Variants in ANKRD50 observed in about 807,000 individuals in gnomAD.
ANKRD50 encodes ankyrin repeat domain 50.
A neutral mutation model predicts 112.0 loss-of-function variants in ANKRD50; 40 were observed. That is an observed-to-expected ratio of 0.36 (90% CI 0.28 to 0.46). The LOEUF (loss-of-function observed/expected upper bound fraction) is 0.46, where lower values mean the gene tolerates loss of function less well. ANKRD50 is among the 20% of genes least tolerant of loss of function. The pLI, the probability that ANKRD50 is intolerant of heterozygous loss-of-function variation, is 1.00. For synonymous variants in ANKRD50, 613 were observed against 619.1 expected, an observed-to-expected ratio of 0.99 and a Z score of 0.15; for missense variants, 1,487 against 1,701.7, an observed-to-expected ratio of 0.87 and a Z score of 2.22.
At chr4:124,689,216 A>T (rs1725076468) in intron 2 of ANKRD50, among the ~76,000 whole-genome samples, 1 of 152,198 alleles carries the variant, frequency 6.6e-6, no homozygotes, top group African/African-American at 2.4e-5. Flanking sequence ...AAAGTGGATG[A>T]TTTATAAATA....
At chr4:124,679,911 T>C (rs931842609) in intron 2 of ANKRD50, among the ~76,000 whole-genome samples, 2 of 152,218 alleles carry the variant, frequency 1.3e-5, no homozygotes, top group Admixed American at 6.5e-5. Flanking sequence ...GAGTTTCTAC[T>C]GCAGCCAGGG....
At chr4:124,708,823 T>C (rs1279751456) in intron 2 of ANKRD50, among the ~76,000 whole-genome samples, 3 of 151,906 alleles carry the variant, frequency 2.0e-5, no homozygotes, top group Non-Finnish European at 2.9e-5. Context: ...ATCTATAAAA[T>C]GGGAGTAGTA....
chr4:124,670,606 C>A lies in ANKRD50; in HGVS notation c.2671G>T (p.Gly891Cys). ...AATATTTGAACACAATCATAATGAC[C>A]CTCTTGTGAAGCTAATATGAAAGGG... ...RIPFILASQE[G>C]HYDCVQILLE... The change falls in exon 4 of 5, where the codon GGT (glycine) becomes TGT (cysteine). Residue 891 changes from glycine to cysteine, a missense_variant. Gly to Cys is a radical substitution (Grantham distance 159). This residue lies in a region of ANKRD50 where 1,046 missense variants were observed against 1,269.5 expected (regional missense o/e 0.82). Coordinates refer to ENST00000504087, the MANE Select transcript of ANKRD50 (RefSeq NM_020337.3). 1 of 1,613,440 alleles carries A rather than the reference C, an allele frequency of 6.2e-7. No homozygotes were observed. Among genetic ancestry groups the A allele is most frequent in the Non-Finnish European group, 8.5e-7 (1 of 1,179,778 alleles).
chr4:124,694,080 C>T (rs967068644), intron 2 of ANKRD50, among the ~76,000 whole-genome samples: 1 of 152,074 alleles, frequency 6.6e-6, no homozygotes, highest in Non-Finnish European at 1.5e-5. Context: ...CAAAATTACC[C>T]ATCCAATAAA....
intron 2 of ANKRD50, among the ~76,000 whole-genome samples, chr4:124,699,695 A>C (rs1416604322): frequency 6.6e-6 from 1 of 152,032 alleles, no homozygotes; most frequent in African/African-American, 2.4e-5. Flanking sequence ...ATTTCAAAAG[A>C]TACAAATACA....
At position 124,678,827 on chromosome 4, in the gene ANKRD50, C is replaced by G. The variant is rs1319171457; in HGVS notation, c.591G>C (p.Gly197=). ...LYLLVDSVDE[G]CNITEGEQTS... ...TTTGTTCACCTTCAGTAATGTTACA[C>G]CCTTCATCAACAGAATCAACAAGCA... The change falls in exon 3 of 5, where the codon GGG becomes GGC. Residue 197 remains glycine (G), a synonymous_variant. Transcript: ENST00000504087. The G allele has an allele frequency of 3.1e-6, 5 of 1,613,854 alleles. No homozygotes were observed. Among genetic ancestry groups the G allele is most frequent in the Non-Finnish European group, 4.2e-6 (5 of 1,179,820 alleles).
At chr4:124,676,952 A>G (rs1388667646) in intron 3 of ANKRD50, among the ~76,000 whole-genome samples, 1 of 151,682 alleles carries the variant, frequency 6.6e-6, no homozygotes, top group Non-Finnish European at 1.5e-5. Flanking sequence ...GTACAAATAA[A>G]CATAATAGAG....
intron 2 of ANKRD50, among the ~76,000 whole-genome samples, chr4:124,690,755 C>T (rs1725118226): frequency 6.6e-6 from 1 of 152,170 alleles, no homozygotes; most frequent in Non-Finnish European, 1.5e-5. Context: ...ACTACTAGAA[C>T]ACTCTACTGT....
rs757543017 is a variant in ANKRD50, at chr4:124,710,532, TTGCTA to T, written c.-26_-22del. 5 of 1,594,842 alleles carry T rather than the reference TTGCTA, an allele frequency of 3.1e-6. No individual in the cohort carries two copies. In the African/African-American group the frequency reaches 5.4e-5, roughly 17 times the overall value. ...GTCATAACGGGTTTTTTATCTTCAT[TTGCTA>T]GAGTCTGGATACATCAACACAGGTC... On this transcript the variant is annotated 5_prime_UTR_variant, in exon 2 of 5. The change abolishes the stop of an existing upstream ORF in the 5' untranslated region. Transcript: ENST00000504087.
At chr4:124,673,431 T>C (rs1192279984) in intron 3 of ANKRD50, among the ~76,000 whole-genome samples, 1 of 152,000 alleles carries the variant, frequency 6.6e-6, no homozygotes, top group Non-Finnish European at 1.5e-5. Context: ...CTGGAGCAAG[T>C]CAAGACTAAA....
At chr4:124,699,416 T>G (rs1725337902) in intron 2 of ANKRD50, among the ~76,000 whole-genome samples, 1 of 152,184 alleles carries the variant, frequency 6.6e-6, no homozygotes, top group Admixed American at 6.5e-5. Flanking sequence ...AATTTTTCCC[T>G]TTGAATTCCT....
At chr4:124,712,205 G>C (rs970649618) in intron 1 of ANKRD50, among the ~76,000 whole-genome samples, 1 of 152,000 alleles carries the variant, frequency 6.6e-6, no homozygotes, top group Non-Finnish European at 1.5e-5. Flanking sequence ...TGAAGGGGGA[G>C]GGGGTGACTG....
intron 2 of ANKRD50, among the ~76,000 whole-genome samples, chr4:124,685,105 T>C (rs1237780097): frequency 6.6e-6 from 1 of 152,168 alleles, no homozygotes; most frequent in Non-Finnish European, 1.5e-5. Flanking sequence ...TTAGATTAAC[T>C]TGTTGTGTTA....
rs1301554900 is a variant in ANKRD50, at chr4:124,666,347, G to C, written c.*1171C>G. The C allele has an allele frequency of 6.6e-6, 1 of 152,462 alleles. No individual in the cohort carries two copies. Among genetic ancestry groups the C allele is most frequent in the Admixed American group, 6.6e-5 (1 of 15,242 alleles). The allele number at this position is 152,462 out of a possible 1,614,324, so 9.4% of individuals were successfully genotyped here. On this transcript the variant is annotated 3_prime_UTR_variant, in exon 5 of 5. Coordinates refer to ENST00000504087, the MANE Select transcript of ANKRD50 (RefSeq NM_020337.3). ...CAGGAAAGAGTATGAGGATAGAAAA[G>C]TGCAAATCCATCACTATTAAGTAAC...
rs114706906 is a variant in ANKRD50, at chr4:124,692,549, C to T, written c.513-13644G>A. ...CCCTCCCAAAATTCACTTTAAAATC[C>T]TAACCCCCAATGTGATGGTATAAGA... On this transcript the variant is annotated intron_variant, in intron 2 of 4. Coordinates refer to ENST00000504087, the MANE Select transcript of ANKRD50 (RefSeq NM_020337.3). 6.8e-3 allele frequency among the ~76,000 whole-genome samples: 1,042 copies of T among 152,208 alleles called. 9 individuals are homozygous for T. Among genetic ancestry groups the T allele is most frequent in the Admixed American group, 0.012 (176 of 15,294 alleles).
In ANKRD50 at chr4:124,671,549, A is replaced by G. The variant is rs1191833615; in HGVS notation, c.1728T>C (p.Ala576=). Residue 576 remains alanine, a synonymous_variant, in exon 4 of 5, where the codon GCT becomes GCC. Transcript: ENST00000504087. ...CTAGAGTGAGTGGTGTATGTCCATGAGCATCTTCTATCTCTAAATCTGCTC... is the reference window on the plus strand; with the variant it reads ...CTAGAGTGAGTGGTGTATGTCCATGGGCATCTTCTATCTCTAAATCTGCTC... ...SRGADLEIED[A]HGHTPLTLAA... is the part of the protein sequence containing the mutation. 1 of 1,613,820 alleles carries G rather than the reference A, an allele frequency of 6.2e-7. No individual in the cohort carries two copies. Among genetic ancestry groups the G allele is most frequent in the South Asian group, 1.1e-5 (1 of 91,076 alleles).
rs1730478669 is a variant in ANKRD50 at position 124,665,915 on chromosome 4, G to GT, written c.*1602dup. ...ATACATTTCTATTTCCACGAACAAT[G>GT]TATCACATGTGTCCTTCATATATGA... is the stretch of plus-strand genomic sequence containing the variant. On this transcript the variant is annotated 3_prime_UTR_variant, in exon 5 of 5. Transcript: ENST00000504087. 1 of 152,088 alleles carries GT rather than the reference G, an allele frequency of 6.6e-6. No individual in the cohort carries two copies. Among genetic ancestry groups the GT allele is most frequent in the Admixed American group, 6.6e-5 (1 of 15,216 alleles). The allele number at this position is 152,088 out of a possible 1,614,324, so 9.4% of individuals were successfully genotyped here.
intron 2 of ANKRD50, among the ~76,000 whole-genome samples, chr4:124,684,649 TGC>T (rs1458980347): frequency 6.6e-6 from 1 of 152,228 alleles, no homozygotes; most frequent in Non-Finnish European, 1.5e-5. Flanking sequence ...AATAATGGTC[TGC>T]CAGCTTTGCA....
At chr4:124,693,600 T>G (rs1725184248) in intron 2 of ANKRD50, among the ~76,000 whole-genome samples, 1 of 152,186 alleles carries the variant, frequency 6.6e-6, no homozygotes, top group Admixed American at 6.5e-5. Context: ...AGAATTATGA[T>G]TTTTAAACAA....
Sources: allele counts gnomAD v4.1 joint callset (sites outside exome capture counted in the v4.1 genomes callset), GRCh38; gene constraint gnomAD v4.1.1; regional missense constraint gnomAD v4.1.1; transcripts MANE v1.5; gene names NCBI Gene and HGNC (gene_info 2026-07-23, HGNC 2026-07-21).